Variants in ATP6V1G1 observed in about 807,000 individuals in gnomAD.
ATP6V1G1 encodes the protein ATPase H+ transporting V1 subunit G1, also known as V-type proton ATPase subunit G 1.
ATP6V1G1 carries 14 observed loss-of-function variants against 14.2 expected under a neutral mutation model. The ratio of observed to expected loss-of-function variants is 0.99; its 90% CI spans 0.65 to 1.55. The LOEUF (loss-of-function observed/expected upper bound fraction) is 1.55, where lower values mean the gene tolerates loss of function less well. Ranked by LOEUF, ATP6V1G1 falls within the 40% of genes most tolerant of loss-of-function variation. ATP6V1G1 has a pLI of 0.00. For missense variants in ATP6V1G1, 137 were observed against 146.4 expected (o/e 0.94, Z 0.33); for synonymous variants, 65 against 53.3 (o/e 1.22, Z -0.96).
chr9:114,593,445 A>C (rs1391784599), intron 2 of ATP6V1G1, among the ~76,000 whole-genome samples: 2 of 152,154 alleles, frequency 1.3e-5, no homozygotes, highest in Admixed American at 1.3e-4. Flanking sequence ...CCAGTGAGTA[A>C]AGGCACATAC....
chr9:114,589,388 G>A (rs1845161141), intron 1 of ATP6V1G1, among the ~76,000 whole-genome samples: 1 of 152,162 alleles, frequency 6.6e-6, no homozygotes, highest in Non-Finnish European at 1.5e-5. Context: ...TCCATACCCT[G>A]GGAAGCAACA....
At chr9:114,593,610 GC>G (rs756361932) in intron 2 of ATP6V1G1, among the ~76,000 whole-genome samples, 8 of 152,060 alleles carry the variant, frequency 5.3e-5, no homozygotes, top group Non-Finnish European at 2.9e-5. Context: ...ATCCTCCCCT[GC>G]CCAGCCTTCT....
intron 2 of ATP6V1G1, among the ~76,000 whole-genome samples, chr9:114,593,318 A>G (rs559530508): frequency 1.3e-5 from 2 of 152,288 alleles, no homozygotes; most frequent in South Asian, 4.1e-4. Context: ...TAAAAACCCA[A>G]GAGCTTAAAT....
chr9:114,587,835 C>G lies in ATP6V1G1; in HGVS notation c.-4C>G, dbSNP rs564653861. 4.9e-5 allele frequency: 77 copies of G among 1,586,738 alleles called. No individual in the cohort carries two copies. The African/African-American group carries it at 9.2e-4, about 19-fold the overall frequency. ...CTTGCCTTGCTCTCAGAATCGCTGC[C>G]GCCATGGCTAGTCAGTCTCAGGGGA... On this transcript the variant is annotated 5_prime_UTR_variant, in exon 1 of 3. Transcript: ENST00000374050.
At chr9:114,590,649 T>G (rs1224920302) in intron 1 of ATP6V1G1, among the ~76,000 whole-genome samples, 2 of 151,902 alleles carry the variant, frequency 1.3e-5, no homozygotes, top group Non-Finnish European at 2.9e-5. Flanking sequence ...AAATTTGCCT[T>G]TCTTGATTTA....
intron 1 of ATP6V1G1, among the ~76,000 whole-genome samples, chr9:114,590,585 T>G (rs1194338469): frequency 6.6e-6 from 1 of 151,530 alleles, no homozygotes; most frequent in Non-Finnish European, 1.5e-5. Flanking sequence ...CTTGCCTGTC[T>G]CAGAATTGTT....
intron 2 of ATP6V1G1, among the ~76,000 whole-genome samples, chr9:114,596,424 G>A (rs1349364487): frequency 1.3e-5 from 2 of 151,434 alleles, no homozygotes; most frequent in African/African-American, 4.9e-5. Context: ...GCAGCAATGA[G>A]AAATTAGTTT....
At chr9:114,595,828 A>G (rs1845232226) in intron 2 of ATP6V1G1, among the ~76,000 whole-genome samples, 1 of 151,890 alleles carries the variant, frequency 6.6e-6, no homozygotes, top group African/African-American at 2.4e-5. Context: ...GTTGTGAGGA[A>G]TAGGTAATGG....
At chr9:114,592,830 T>C (rs1472221568) in intron 2 of ATP6V1G1, among the ~76,000 whole-genome samples, 178 bp downstream of exon 2, 1 of 152,230 alleles carries the variant, frequency 6.6e-6, no homozygotes. Context: ...TCCATTCATA[T>C]TGATTTCTAA....
At chr9:114,595,680 A>T (rs1255863739) in intron 2 of ATP6V1G1, among the ~76,000 whole-genome samples, 1 of 152,086 alleles carries the variant, frequency 6.6e-6, no homozygotes, top group African/African-American at 2.4e-5. Context: ...TGATAAAGTC[A>T]GGCACAGTGG....
intron 1 of ATP6V1G1, among the ~76,000 whole-genome samples, chr9:114,588,398 C>A (rs1163143968): frequency 1.3e-5 from 2 of 151,952 alleles, no homozygotes; most frequent in Non-Finnish European, 1.5e-5. Context: ...GTCCAGGACA[C>A]CAGTTTCTCT....
rs1313607348 is a variant in ATP6V1G1, at chr9:114,588,128, G to A, written c.82+208G>A. 6.6e-6 allele frequency: 4 copies of A among 606,740 alleles called. No homozygotes were observed. In the East Asian group the frequency reaches 1.1e-4, roughly 17 times the overall value. The allele number at this position is 606,740 out of a possible 1,614,324, so 37.6% of individuals were successfully genotyped here. ...GCCACGATGTGAGATGGTAAATTGG[G>A]CGTGGAAACAATAATGGGTTACCGT... On this transcript the variant is annotated intron_variant, in intron 1 of 2. Coordinates refer to ENST00000374050, the MANE Select transcript of ATP6V1G1 (RefSeq NM_004888.4).
chr9:114,591,793 G>T (rs893811664), intron 1 of ATP6V1G1, among the ~76,000 whole-genome samples: 1 of 152,000 alleles, frequency 6.6e-6, no homozygotes, highest in Non-Finnish European at 1.5e-5. Context: ...TAGGTTGATG[G>T]TCTAGAACCT....
intron 2 of ATP6V1G1, among the ~76,000 whole-genome samples, chr9:114,596,606 T>G (rs1460865481): frequency 3.3e-5 from 5 of 152,158 alleles, no homozygotes; most frequent in African/African-American, 1.2e-4. Flanking sequence ...TCCTTGTATA[T>G]TCCTCCTAAA....
intron 2 of ATP6V1G1, among the ~76,000 whole-genome samples, chr9:114,594,401 C>T (rs1355610522): frequency 1.4e-5 from 2 of 145,358 alleles, no homozygotes; most frequent in African/African-American, 5.1e-5. Context: ...TTTTCCTGTC[C>T]GAGATGTAGT....
At position 114,597,622 on chromosome 9, in the gene ATP6V1G1, A is replaced by G. The variant is rs746406910; in HGVS notation, c.236A>G (p.Glu79Gly). ...ACTGAAGTGGAGAAGGAGACCCAGG[A>G]GAAGATGACCATCCTCCAGACATAC... is the stretch of plus-strand genomic sequence containing the variant. ...CSTEVEKETQEKMTILQTYFR... is the reference protein window; with the variant it reads ...CSTEVEKETQGKMTILQTYFR... Residue 79 changes from glutamate (E) to glycine (G), a missense_variant, in exon 3 of 3, where the codon GAG becomes GGG. Glu to Gly is a moderately conservative substitution (Grantham distance 98). Transcript: ENST00000374050. The G allele has an allele frequency of 2.5e-6, 4 of 1,583,458 alleles. No individual in the cohort carries two copies. The highest frequency in any genetic ancestry group is 3.4e-6 in the Non-Finnish European group (4 of 1,166,792).
At chr9:114,594,422 C>A (rs1845214901) in intron 2 of ATP6V1G1, among the ~76,000 whole-genome samples, 1 of 146,978 alleles carries the variant, frequency 6.8e-6, no homozygotes, top group Admixed American at 6.8e-5. Flanking sequence ...CTTGCTCTGT[C>A]ACCCAGGCTG....
At chr9:114,587,959 C>G (rs1350082048) in intron 1 of ATP6V1G1, 39 bp downstream of exon 1, 1 of 1,550,464 alleles carries the variant, frequency 6.4e-7, no homozygotes, top group Non-Finnish European at 8.7e-7. Context: ...TGGCGCGAGT[C>G]GAAGAAAGAC....
chr9:114,593,140 T>C (rs1426795596), intron 2 of ATP6V1G1, among the ~76,000 whole-genome samples: 1 of 152,038 alleles, frequency 6.6e-6, no homozygotes, highest in African/African-American at 2.4e-5. Context: ...CATACAATAA[T>C]AGTACAAAAA....
Sources: allele counts gnomAD v4.1 joint callset (sites outside exome capture counted in the v4.1 genomes callset), GRCh38; gene constraint gnomAD v4.1.1; transcripts MANE v1.5; gene names NCBI Gene and HGNC (gene_info 2026-07-23, HGNC 2026-07-21).